The following MARCHF11 variants were observed in gnomAD, a reference collection of about 807,000 sequenced individuals.
MARCHF11 encodes membrane associated ring-CH-type finger 11.
In MARCHF11, 29 loss-of-function variants were observed where a neutral mutation model predicts 37.3. That is an observed-to-expected ratio of 0.78 (90% CI 0.58 to 1.06). The LOEUF is 1.06. Among genes scored for constraint, MARCHF11 ranks in the 50% least tolerant of loss-of-function variants. The pLI is 0.00. For missense variants in MARCHF11, 482 were observed against 533.4 expected (o/e 0.90, Z 0.95); for synonymous variants, 233 against 228.0 (o/e 1.02, Z -0.20).
In MARCHF11 at chr5:16,127,548, G is replaced by A. The variant is rs553130501; in HGVS notation, c.694-36467C>T. Among the ~76,000 whole-genome samples, 5 of 152,256 alleles carry A rather than the reference G, an allele frequency of 3.3e-5. No homozygotes were observed. The South Asian group carries it at 6.2e-4, about 19-fold the overall frequency. ...CATATCTGAAGAGATCTGGTGAACCGCCTGGGTCAACACAGTAGAAGTTTA... is the reference window on the plus strand; with the variant it reads ...CATATCTGAAGAGATCTGGTGAACCACCTGGGTCAACACAGTAGAAGTTTA... On this transcript the variant is annotated intron_variant, in intron 2 of 3. Transcript: ENST00000332432.
chr5:16,176,833 C>T (rs1433640903), intron 2 of MARCHF11, among the ~76,000 whole-genome samples: 1 of 152,104 alleles, frequency 6.6e-6, no homozygotes, highest in Non-Finnish European at 1.5e-5. Context: ...CCCAACTTTG[C>T]AATTCCCTAT....
intron 2 of MARCHF11, among the ~76,000 whole-genome samples, chr5:16,145,227 T>TC (rs1354152859): frequency 6.6e-6 from 1 of 152,114 alleles, no homozygotes; most frequent in Non-Finnish European, 1.5e-5. Context: ...TTTGAATGTG[T>TC]CCCCCAAAAT....
At chr5:16,076,103 C>T (rs1356045587) in intron 3 of MARCHF11, among the ~76,000 whole-genome samples, 1 of 152,190 alleles carries the variant, frequency 6.6e-6, no homozygotes, top group Non-Finnish European at 1.5e-5. Context: ...ATTCCTCTGA[C>T]CTCTTGCTTT....
At chr5:16,137,575 C>T (rs1343339387) in intron 2 of MARCHF11, among the ~76,000 whole-genome samples, 1 of 152,084 alleles carries the variant, frequency 6.6e-6, no homozygotes, top group Non-Finnish European at 1.5e-5. Context: ...TATTAAGATA[C>T]CCAAAAATGT....
At chr5:16,142,519 G>A (rs1282662933) in intron 2 of MARCHF11, among the ~76,000 whole-genome samples, 1 of 151,982 alleles carries the variant, frequency 6.6e-6, no homozygotes, top group Non-Finnish European at 1.5e-5. Flanking sequence ...TTGCCCTAAG[G>A]AATCAAACTA....
chr5:16,105,435 G>C (rs1737021650), intron 2 of MARCHF11, among the ~76,000 whole-genome samples: 2 of 152,082 alleles, frequency 1.3e-5, no homozygotes, highest in African/African-American at 2.4e-5. Context: ...CATCAATAAG[G>C]GTTTTATGGT....
intron 3 of MARCHF11, among the ~76,000 whole-genome samples, chr5:16,081,562 G>A (rs1303736327): frequency 6.6e-6 from 1 of 152,182 alleles, no homozygotes; most frequent in Non-Finnish European, 1.5e-5. Context: ...GCCAAGCCTT[G>A]TTCTATTTAT....
intron 2 of MARCHF11, among the ~76,000 whole-genome samples, chr5:16,145,225 T>G (rs1274212909): frequency 6.6e-6 from 1 of 152,182 alleles, no homozygotes; most frequent in Admixed American, 6.6e-5. Context: ...GGTTTGAATG[T>G]GTCCCCCAAA....
intron 2 of MARCHF11, among the ~76,000 whole-genome samples, chr5:16,161,871 G>T (rs1300521655): frequency 6.6e-6 from 1 of 151,848 alleles, no homozygotes; most frequent in African/African-American, 2.4e-5. Flanking sequence ...GTTCCTAGAG[G>T]GCATTCAATG....
chr5:16,100,595 G>A (rs1736939190), intron 2 of MARCHF11, among the ~76,000 whole-genome samples: 1 of 152,188 alleles, frequency 6.6e-6, no homozygotes, highest in South Asian at 2.1e-4. Context: ...AGCAACATTA[G>A]TGAGATGGGC....
intron 2 of MARCHF11, among the ~76,000 whole-genome samples, chr5:16,175,645 C>G (rs952489168): frequency 2.0e-5 from 3 of 152,216 alleles, no homozygotes; most frequent in African/African-American, 7.2e-5. Flanking sequence ...GCATTTAGAA[C>G]AGTGCGTGGC....
chr5:16,135,787 T>C (rs1470494467), intron 2 of MARCHF11, among the ~76,000 whole-genome samples: 1 of 151,514 alleles, frequency 6.6e-6, no homozygotes, highest in Non-Finnish European at 1.5e-5. Flanking sequence ...ACACTTTTGT[T>C]TGGAACGCTC....
intron 2 of MARCHF11, among the ~76,000 whole-genome samples, chr5:16,098,204 C>T (rs370138447): frequency 2.0e-5 from 3 of 152,138 alleles, no homozygotes; most frequent in African/African-American, 4.8e-5. Context: ...TGGGATCATA[C>T]CTAATTGTGT....
At chr5:16,148,995 T>C (rs1052369779) in intron 2 of MARCHF11, among the ~76,000 whole-genome samples, 28 of 152,148 alleles carry the variant, frequency 1.8e-4, no homozygotes, top group African/African-American at 6.8e-4. Flanking sequence ...GATTTAGAGG[T>C]GGACACAGCC....
At chr5:16,113,776 C>T (rs112050397) in intron 2 of MARCHF11, among the ~76,000 whole-genome samples, 2,091 of 152,220 alleles carry the variant, frequency 0.014, 16 homozygotes, top group Non-Finnish European at 0.02. Flanking sequence ...TTTATCACTT[C>T]TTTGTTTTGG....
chr5:16,106,209 C>G (rs1449398083), intron 2 of MARCHF11, among the ~76,000 whole-genome samples: 1 of 152,092 alleles, frequency 6.6e-6, no homozygotes, highest in Admixed American at 6.5e-5. Context: ...CTGAATGAGG[C>G]TCCAAGAAGG....
intron 2 of MARCHF11, among the ~76,000 whole-genome samples, chr5:16,106,084 A>G (rs553405271): frequency 1.3e-5 from 2 of 152,304 alleles, no homozygotes; most frequent in Admixed American, 1.3e-4. Context: ...ACAGACATCA[A>G]TGCAAGCTAA....
intron 2 of MARCHF11, among the ~76,000 whole-genome samples, chr5:16,115,520 C>T (rs1737214385): frequency 6.6e-6 from 1 of 152,128 alleles, no homozygotes; most frequent in Admixed American, 6.5e-5. Flanking sequence ...ATTCAGAAAG[C>T]TTCCATGGTA....
chr5:16,125,502 G>A (rs1311359753), intron 2 of MARCHF11, among the ~76,000 whole-genome samples: 1 of 152,120 alleles, frequency 6.6e-6, no homozygotes, highest in Non-Finnish European at 1.5e-5. Flanking sequence ...GCTGCCATGA[G>A]GAATCCAGTC....
Sources: allele counts gnomAD v4.1 joint callset (sites outside exome capture counted in the v4.1 genomes callset), GRCh38; gene constraint gnomAD v4.1.1; transcripts MANE v1.5; gene names NCBI Gene and HGNC (gene_info 2026-07-23, HGNC 2026-07-21).